Variants in PLCB1 observed in about 807,000 individuals in gnomAD.
PLCB1 encodes the protein phospholipase C beta 1.
PLCB1 carries 46 observed loss-of-function variants against 161.8 expected under a neutral mutation model. That is an observed-to-expected ratio of 0.28 (90% CI 0.22 to 0.36). The LOEUF is 0.36. Ranked by LOEUF, PLCB1 falls within the 10% of genes least tolerant of loss-of-function variation. The probability of loss-of-function intolerance (pLI) is 1.00; values close to 1 mark genes in which losing one functional copy is unlikely to be tolerated. For missense variants in PLCB1, 1,016 were observed against 1,472.5 expected (o/e 0.69, Z 5.07); for synonymous variants, 517 against 503.7 (o/e 1.03, Z -0.35).
intron 2 of PLCB1, among the ~76,000 whole-genome samples, chr20:8,313,985 T>G (rs1984524829): frequency 6.6e-6 from 1 of 152,246 alleles, no homozygotes; most frequent in South Asian, 2.1e-4. Flanking sequence ...TGTCTTATAC[T>G]TACTTGACTC....
intron 7 of PLCB1, among the ~76,000 whole-genome samples, chr20:8,654,296 C>G (rs1460569271): frequency 9.9e-5 from 15 of 152,006 alleles, no homozygotes; most frequent in Admixed American, 9.8e-4. Flanking sequence ...TTATACTAGC[C>G]TTCTTAAGTC....
intron 3 of PLCB1, among the ~76,000 whole-genome samples, chr20:8,581,309 A>T (rs183019731): frequency 6.6e-6 from 1 of 152,246 alleles, no homozygotes; most frequent in Admixed American, 6.5e-5. Context: ...TTCTCTTTGC[A>T]GTTAGACTGG....
At chr20:8,649,731 T>C in intron 7 of PLCB1, 2 of 440,928 alleles carry the variant, frequency 4.5e-6, no homozygotes, top group Non-Finnish European at 8.3e-6. Context: ...GCAAGAAGAC[T>C]TTTGCCAGAT....
intron 2 of PLCB1, among the ~76,000 whole-genome samples, chr20:8,339,863 G>C (rs1009633801): frequency 6.6e-6 from 1 of 152,140 alleles, no homozygotes; most frequent in Non-Finnish European, 1.5e-5. Context: ...CAGTGCTTTG[G>C]GGGGCCAAGA....
At chr20:8,387,848 G>T (rs947215511) in intron 3 of PLCB1, among the ~76,000 whole-genome samples, 2 of 152,010 alleles carry the variant, frequency 1.3e-5, no homozygotes, top group Non-Finnish European at 2.9e-5. Flanking sequence ...GTTTTAGTTT[G>T]AGAAGATGAG....
At position 8,242,730 on chromosome 20, in the gene PLCB1, G is replaced by A. The variant is rs906127033; in HGVS notation, c.177+92359G>A. Among the ~76,000 whole-genome samples, 6 of 151,936 alleles carry A rather than the reference G, an allele frequency of 3.9e-5. No individual in the cohort carries two copies. The East Asian group carries it at 1.2e-3, about 29-fold the overall frequency. ...AAGGAAAAGCAGGATTTATTGACTG[G>A]TTATAAAGGCAGCTTTTAGCTCCAG... is the stretch of plus-strand genomic sequence containing the variant. On this transcript the variant is annotated intron_variant, in intron 2 of 31. Transcript: ENST00000338037.
intron 3 of PLCB1, among the ~76,000 whole-genome samples, chr20:8,546,985 C>T (rs1294323117): frequency 1.3e-5 from 2 of 152,120 alleles, no homozygotes; most frequent in African/African-American, 4.8e-5. Flanking sequence ...AATTGCGCCT[C>T]TTAATTGGAA....
At chr20:8,511,644 G>A (rs1189629051) in intron 3 of PLCB1, among the ~76,000 whole-genome samples, 2 of 152,074 alleles carry the variant, frequency 1.3e-5, no homozygotes, top group South Asian at 2.1e-4. Flanking sequence ...TGCCAACTGT[G>A]TACAGGGGTT....
chr20:8,770,796 A>G (rs1234451677), intron 26 of PLCB1, among the ~76,000 whole-genome samples: 1 of 152,222 alleles, frequency 6.6e-6, no homozygotes, highest in Non-Finnish European at 1.5e-5. Flanking sequence ...GAGCAGAGGC[A>G]TGACTTTGAA....
At chr20:8,315,605 G>T (rs968018887) in intron 2 of PLCB1, among the ~76,000 whole-genome samples, 1 of 152,132 alleles carries the variant, frequency 6.6e-6, no homozygotes, top group Non-Finnish European at 1.5e-5. Context: ...ATAAAATGAG[G>T]GAGGAAGGTG....
chr20:8,750,869 A>G, intron 23 of PLCB1: 2 of 1,363,576 alleles, frequency 1.5e-6, no homozygotes, highest in East Asian at 4.6e-5. Context: ...TGATGGCCTT[A>G]CCTCTTACCC....
intron 3 of PLCB1, among the ~76,000 whole-genome samples, chr20:8,388,328 G>A (rs1211032244): frequency 6.6e-6 from 1 of 152,140 alleles, no homozygotes; most frequent in Non-Finnish European, 1.5e-5. Context: ...ATAATGAGCT[G>A]TTATTTGGAT....
At chr20:8,328,367 G>C (rs761965850) in intron 2 of PLCB1, among the ~76,000 whole-genome samples, 10 of 152,058 alleles carry the variant, frequency 6.6e-5, no homozygotes, top group Non-Finnish European at 8.8e-5. Flanking sequence ...AAAATGGAAA[G>C]AGGAGGCAGA....
intron 23 of PLCB1, among the ~76,000 whole-genome samples, chr20:8,747,852 A>G (rs552967417): frequency 6.6e-6 from 1 of 152,178 alleles, no homozygotes; most frequent in Non-Finnish European, 1.5e-5. Flanking sequence ...TTTAATAATG[A>G]TATGAATTCC....
At chr20:8,312,251 G>A (rs1013938317) in intron 2 of PLCB1, among the ~76,000 whole-genome samples, 12 of 151,964 alleles carry the variant, frequency 7.9e-5, no homozygotes, top group African/African-American at 2.9e-4. Context: ...CCTCACGTCC[G>A]CTTCTCAAGC....
Position 8,684,977 on chromosome 20 carries a change from A to C in PLCB1, c.908A>C (p.Glu303Ala). Residue 303 changes from glutamate (E) to alanine (A), a missense_variant, in exon 10 of 32, where the codon GAA becomes GCA. Physicochemically the swap from Glu to Ala is moderately radical, Grantham distance 107. Transcript: ENST00000338037. Reference protein sequence around the residue: ...DGFMRYLSGEENGVVSPEKLD... With the variant: ...DGFMRYLSGEANGVVSPEKLD... ...TTCATGCGCTATCTGAGTGGAGAAG[A>C]AAACGGAGTCGTTTCACCTGAGAAA... The C allele has an allele frequency of 6.2e-7, 1 of 1,613,908 alleles. No homozygotes were observed. Among genetic ancestry groups the C allele is most frequent in the Non-Finnish European group, 8.5e-7 (1 of 1,179,762 alleles).
At chr20:8,486,337 A>G (rs1167830155) in intron 3 of PLCB1, among the ~76,000 whole-genome samples, 1 of 152,180 alleles carries the variant, frequency 6.6e-6, no homozygotes, top group Non-Finnish European at 1.5e-5. Flanking sequence ...GTTCAGATGT[A>G]CTAATTTGTC....
intron 19 of PLCB1, 125 bp from the exon 20 acceptor site, chr20:8,736,903 T>G: frequency 1.4e-6 from 1 of 696,426 alleles, no homozygotes; most frequent in East Asian, 2.7e-5. Context: ...CTTGCTTCTA[T>G]TCCATTTTGC....
chr20:8,700,548 G>A lies in PLCB1; in HGVS notation c.1167+2765G>A, dbSNP rs148175438. Among the ~76,000 whole-genome samples, 5 of 152,290 alleles carry A rather than the reference G, an allele frequency of 3.3e-5. No homozygotes were observed. The East Asian group carries it at 5.8e-4, about 18-fold the overall frequency. On this transcript the variant is annotated intron_variant, in intron 11 of 31. Transcript: ENST00000338037. ...TCTGGAAGCATGGCTTCTCAACCAC[G>A]TCCATACACTTGCCAGTGGGTGAGA...
Sources: gnomAD v4.1 joint callset for allele counts (sites outside exome capture counted in the v4.1 genomes callset) on GRCh38, gnomAD v4.1.1 for gene constraint, MANE v1.5 for transcripts, NCBI Gene and HGNC (gene_info 2026-07-23, HGNC 2026-07-21) for gene names.